Variants in SLC9A3 observed in about 807,000 individuals in gnomAD.
SLC9A3 encodes the protein sodium/hydrogen exchanger 3.
A neutral mutation model predicts 86.8 loss-of-function variants in SLC9A3; 37 were observed. The ratio of observed to expected loss-of-function variants is 0.43; its 90% CI spans 0.33 to 0.56. The LOEUF is 0.56. Among genes scored for constraint, SLC9A3 ranks in the 20% least tolerant of loss-of-function variants. SLC9A3 has a pLI of 0.06. For synonymous variants in SLC9A3, 581 were observed against 528.3 expected (o/e 1.10, Z -1.37); for missense variants, 1,011 against 1,171.9 (o/e 0.86, Z 2.00).
At position 472,278 on chromosome 5, in the gene SLC9A3, CGGGGTCTAGGACAGGCTCA is replaced by C. The variant is rs1738401430; in HGVS notation, c.*1082_*1100del. 5.7e-6 allele frequency: 2 copies of C among 348,406 alleles called. No homozygotes were observed. Among genetic ancestry groups the C allele is most frequent in the Non-Finnish European group, 1.1e-5 (2 of 176,794 alleles). 21.6% of individuals were successfully genotyped at this position (348,406 alleles called of 1,614,324 possible). A position where few individuals can be genotyped will look rare whatever the true frequency, so the allele number is the denominator to read the frequency against. On this transcript the variant is annotated 3_prime_UTR_variant, in exon 17 of 17. Transcript: ENST00000264938. ...GAAGGGGTGGGAAGGGTCAGGGGTC[CGGGGTCTAGGACAGGCTCA>C]GGGGTCTCAGCAGGTTCTCCTTGGA...
chr5:492,228 G>A (rs1253378135), intron 1 of SLC9A3, among the ~76,000 whole-genome samples, 157 bp from the exon 2 acceptor site: 1 of 14,490 alleles, frequency 6.9e-5, no homozygotes, highest in Non-Finnish European at 1.9e-4. Flanking sequence ...GCGGGGACTC[G>A]TGGAGGAAGG....
intron 14 of SLC9A3, 94 bp from the exon 15 acceptor site, chr5:475,765 G>T: frequency 1.3e-6 from 1 of 778,416 alleles, no homozygotes; most frequent in Non-Finnish European, 2.2e-6. Flanking sequence ...GCACAGAGGT[G>T]CAGGCAGTCG....
At chr5:493,250 G>C (rs1739875692) in intron 1 of SLC9A3, among the ~76,000 whole-genome samples, 1 of 152,254 alleles carries the variant, frequency 6.6e-6, no homozygotes, top group Non-Finnish European at 1.5e-5. Flanking sequence ...CTCAGCTGCT[G>C]GTTATTAAGT....
chr5:521,672 G>A (rs756327450), intron 1 of SLC9A3, among the ~76,000 whole-genome samples: 1 of 152,202 alleles, frequency 6.6e-6, no homozygotes, highest in Non-Finnish European at 1.5e-5. Flanking sequence ...CAGTCCGGGG[G>A]CTGTGGGCAT....
Position 473,225 on chromosome 5 carries a change from C to G in SLC9A3, c.*154G>C, listed in dbSNP as rs1228089876. 2.3e-6 allele frequency: 2 copies of G among 858,376 alleles called. No homozygotes were observed. The highest frequency in any genetic ancestry group is 3.1e-6 in the Non-Finnish European group (2 of 649,180). The allele number at this position is 858,376 out of a possible 1,614,324, so 53.2% of individuals were successfully genotyped here. On this transcript the variant is annotated 3_prime_UTR_variant, in exon 17 of 17. Transcript: ENST00000264938. Reference sequence around the variant, plus strand: ...GCGCAGGCGCGGCACTCTCGGAGTTCTGCGCAGGCGCTGGCGTGGGCGAGG... The same window carrying G: ...GCGCAGGCGCGGCACTCTCGGAGTTGTGCGCAGGCGCTGGCGTGGGCGAGG...
rs980405535 is a variant in SLC9A3, at chr5:472,382, A to G, written c.*997T>C. 8.9e-6 allele frequency: 3 copies of G among 335,238 alleles called. No individual in the cohort carries two copies. The highest frequency in any genetic ancestry group is 1.7e-5 in the Non-Finnish European group (3 of 171,734). The allele number at this position is 335,238 out of a possible 1,614,324, so 20.8% of individuals were successfully genotyped here. A position where few individuals can be genotyped will look rare whatever the true frequency, so the allele number is the denominator to read the frequency against. On this transcript the variant is annotated 3_prime_UTR_variant, in exon 17 of 17. Coordinates refer to ENST00000264938, the MANE Select transcript of SLC9A3 (RefSeq NM_004174.4). The stretch of plus-strand genomic sequence containing the variant: ...CCCCTCCATGCCCCCTGGTTTGTTA[A>G]GGGGGACAGAGCAGCTGCTGGGCCC...
At chr5:476,723 C>T in intron 11 of SLC9A3, 51 bp from the exon 12 acceptor site, 2 of 1,587,566 alleles carry the variant, frequency 1.3e-6, no homozygotes, top group Non-Finnish European at 8.5e-7. Flanking sequence ...GGTGGGGTCT[C>T]TTGCGCGCCC....
rs1295477764 is a variant in SLC9A3 at position 483,265 on chromosome 5, T to C, written c.1150A>G (p.Ile384Val). ...CCGCAACCCGGCCCCGCCTCACCGATGGCCCGGTACACGGAGATGAAGACC... is the reference window on the plus strand; with the variant it reads ...CCGCAACCCGGCCCCGCCTCACCGACGGCCCGGTACACGGAGATGAAGACC... ...TLVFISVYRA[I>V]GVVLQTWLLN... is the part of the protein sequence containing the mutation. Residue 384 changes from isoleucine to valine, a missense_variant, in exon 6 of 17, where the codon ATC (isoleucine) becomes GTC (valine). This residue lies in a region of SLC9A3 where 565 missense variants were observed against 790.0 expected (regional missense o/e 0.72). Coordinates refer to ENST00000264938, the MANE Select transcript of SLC9A3 (RefSeq NM_004174.4). The C allele has an allele frequency of 1.3e-6, 2 of 1,541,370 alleles. No individual in the cohort carries two copies. The highest frequency in any genetic ancestry group is 2.4e-5 in the South Asian group (2 of 84,022).
intron 1 of SLC9A3, among the ~76,000 whole-genome samples, chr5:499,183 G>A (rs1740157989): frequency 6.6e-6 from 1 of 152,244 alleles, no homozygotes; most frequent in African/African-American, 2.4e-5. Context: ...CTCTTGAACG[G>A]CAGTCTGCAT....
At position 488,461 on chromosome 5, in the gene SLC9A3, C is replaced by G. The variant is rs1455468525; in HGVS notation, c.530G>C (p.Gly177Ala). Residue 177 changes from glycine (G) to alanine (A), a missense_variant, in exon 3 of 17, where the codon GGG (glycine) becomes GCG (alanine). By Grantham distance (60) the Gly-to-Ala change is moderately conservative. This residue lies in a region of SLC9A3 where 565 missense variants were observed against 790.0 expected (regional missense o/e 0.72). Transcript: ENST00000264938. ...LSGLMGDLQI[G>A]LLDFLLFGSL... ...GCCAAACAGGAGGAAGTCCAGCAGC[C>G]CAATCTGCAGGTCGCCTGGAAGACA... The G allele has an allele frequency of 6.3e-7, 1 of 1,574,890 alleles. No individual in the cohort carries two copies. The highest frequency in any genetic ancestry group is 1.1e-5 in the South Asian group (1 of 87,364).
chr5:473,682 G>C (rs6868891), intron 16 of SLC9A3, among the ~76,000 whole-genome samples: 90,710 of 152,112 alleles, frequency 0.6, 27,301 homozygotes, highest in African/African-American at 0.64. Flanking sequence ...GGGAGGTCAA[G>C]GTCCCCAAGG....
At chr5:475,728 C>G in intron 14 of SLC9A3, 57 bp from the exon 15 acceptor site, 9 of 982,026 alleles carry the variant, frequency 9.2e-6, no homozygotes, top group Middle Eastern at 2.1e-4. Context: ...TCCTCACAGC[C>G]CAGTCAGCAG....
At chr5:499,850 G>A (rs1017213619) in intron 1 of SLC9A3, among the ~76,000 whole-genome samples, 2 of 152,272 alleles carry the variant, frequency 1.3e-5, no homozygotes, top group African/African-American at 4.8e-5. Context: ...CCAGGGTCCA[G>A]CCCCTCTGTA....
intron 1 of SLC9A3, among the ~76,000 whole-genome samples, chr5:514,642 C>T (rs1030425557): frequency 2.0e-5 from 3 of 152,248 alleles, no homozygotes; most frequent in African/African-American, 4.8e-5. Context: ...GTCCTCTGCA[C>T]CAAACATCTG....
rs1048078102 is a variant in SLC9A3 at position 497,497 on chromosome 5, A to G, written c.212-5426T>C. Among the ~76,000 whole-genome samples the G allele has an allele frequency of 2.6e-5, 4 of 152,166 alleles. No individual in the cohort carries two copies. Among genetic ancestry groups the G allele is most frequent in the Non-Finnish European group, 5.9e-5 (4 of 68,020 alleles). The stretch of plus-strand genomic sequence containing the variant: ...GGACACAGTCAGCCGGACTTTGCTT[A>G]GTTCACCTGTCGGAGCCACTCGTTC... On this transcript the variant is annotated intron_variant, in intron 1 of 16. Coordinates refer to ENST00000264938, the MANE Select transcript of SLC9A3 (RefSeq NM_004174.4). The surrounding 1 kb of genome is among the most constrained non-coding windows in gnomAD (Gnocchi z 5.4).
chr5:485,302 C>T lies in SLC9A3; in HGVS notation c.676-71G>A, dbSNP rs920870205. The T allele has an allele frequency of 5.6e-5, 72 of 1,290,862 alleles. No homozygotes were observed. The African/African-American group carries it at 6.2e-4, about 11-fold the overall frequency. The allele number at this position is 1,290,862 out of a possible 1,614,324, so 80.0% of individuals were successfully genotyped here. ...CACCCCCTCTCCGGGGCCCGGGCCT[C>T]GCTGGACTTGGCCCGAGTGTGGAGC... On this transcript the variant is annotated intron_variant, in intron 3 of 16. Coordinates refer to ENST00000264938, the MANE Select transcript of SLC9A3 (RefSeq NM_004174.4).
At chr5:511,752 C>G (rs1004605221) in intron 1 of SLC9A3, among the ~76,000 whole-genome samples, 1 of 152,216 alleles carries the variant, frequency 6.6e-6, no homozygotes, top group African/African-American at 2.4e-5. Context: ...CCTAAGCAGG[C>G]CATGACCAGA....
At chr5:506,338 C>T (rs1002805928) in intron 1 of SLC9A3, among the ~76,000 whole-genome samples, 17 of 152,164 alleles carry the variant, frequency 1.1e-4, no homozygotes, top group Non-Finnish European at 1.8e-4. Context: ...ACCCGGGCTG[C>T]GGAGAGGGTG....
At chr5:486,840 A>G (rs1211949973) in intron 3 of SLC9A3, among the ~76,000 whole-genome samples, 1 of 144,312 alleles carries the variant, frequency 6.9e-6, no homozygotes, top group Non-Finnish European at 1.5e-5. Flanking sequence ...GTCCCGCAGG[A>G]GCCCACCACA....
Sources: gnomAD v4.1 joint callset for allele counts (sites outside exome capture counted in the v4.1 genomes callset) on GRCh38, gnomAD v4.1.1 for gene constraint, gnomAD v4.1.1 regional missense constraint, Gnocchi (gnomAD v3.1) non-coding constraint, MANE v1.5 for transcripts, NCBI Gene and HGNC (gene_info 2026-07-23, HGNC 2026-07-21) for gene names.